The following DARS1 variants were observed in gnomAD, a reference collection of about 807,000 sequenced individuals.
The protein encoded by DARS1 is aspartate--tRNA ligase, cytoplasmic.
DARS1 carries 51 observed loss-of-function variants against 68.8 expected under a neutral mutation model. That is an observed-to-expected ratio of 0.74 (90% CI 0.59 to 0.94). The LOEUF is 0.94. DARS1 is among the 40% of genes least tolerant of loss of function. The pLI, the probability that DARS1 is intolerant of heterozygous loss-of-function variation, is 0.00. For missense variants in DARS1, 607 were observed against 597.3 expected (o/e 1.02, Z -0.17); for synonymous variants, 203 against 190.4 (o/e 1.07, Z -0.55).
chr2:135,974,431 A>C (rs749500393), intron 3 of DARS1, among the ~76,000 whole-genome samples: 3 of 152,250 alleles, frequency 2.0e-5, no homozygotes, highest in Non-Finnish European at 2.9e-5. Context: ...AGTGAATAGT[A>C]TAATGAACCT....
At chr2:135,957,226 T>C (rs371017084) in intron 4 of DARS1, among the ~76,000 whole-genome samples, 5 of 150,872 alleles carry the variant, frequency 3.3e-5, no homozygotes, top group Non-Finnish European at 5.9e-5. Flanking sequence ...AGCCATATCC[T>C]ACTAATTTTT....
chr2:135,949,856 T>C (rs1027470928), intron 4 of DARS1, among the ~76,000 whole-genome samples: 12 of 152,356 alleles, frequency 7.9e-5, no homozygotes, highest in Admixed American at 1.3e-4. Flanking sequence ...ATTCCAATGT[T>C]TCTTTTAAGG....
chr2:135,941,322 T>C (rs1464180369), intron 5 of DARS1, among the ~76,000 whole-genome samples: 8 of 152,078 alleles, frequency 5.3e-5, no homozygotes, highest in Non-Finnish European at 1.2e-4. Context: ...TATAGATCAA[T>C]GGAACAGAAC....
rs1300900918 is a variant in DARS1 at position 135,905,886 on chromosome 2, C to T, written c.*1430G>A. Among the ~76,000 whole-genome samples, 1 of 152,130 alleles carries T rather than the reference C, an allele frequency of 6.6e-6. No individual in the cohort carries two copies. The highest frequency in any genetic ancestry group is 1.5e-5 in the Non-Finnish European group (1 of 68,016). ...TAAAAAAGATTACATCATTCTAAGA[C>T]TTTACAAACTTTATTTTGAAACAAG... is the stretch of plus-strand genomic sequence containing the variant. On this transcript the variant is annotated 3_prime_UTR_variant, in exon 16 of 16. Transcript: ENST00000264161.
intron 3 of DARS1, among the ~76,000 whole-genome samples, chr2:135,964,667 C>T (rs1230924594): frequency 3.3e-5 from 5 of 151,674 alleles, no homozygotes; most frequent in Admixed American, 3.3e-4. Flanking sequence ...GTGGTGAAAC[C>T]CCATCTCTAC....
intron 5 of DARS1, 186 bp downstream of exon 5, chr2:135,943,192 T>C (rs78076875): frequency 0.01 from 7,727 of 765,044 alleles, 169 homozygotes; most frequent in African/African-American, 0.068. Flanking sequence ...AGCAAATAAA[T>C]GTTTGTTGTT....
At chr2:135,946,136 CAA>C (rs1205644790) in intron 4 of DARS1, among the ~76,000 whole-genome samples, 2 of 152,202 alleles carry the variant, frequency 1.3e-5, no homozygotes, top group East Asian at 3.9e-4. Context: ...AGAGTCAAAA[CAA>C]GAGAGACAGG....
At chr2:135,965,929 T>C (rs933836899) in intron 3 of DARS1, among the ~76,000 whole-genome samples, 1 of 152,210 alleles carries the variant, frequency 6.6e-6, no homozygotes, top group African/African-American at 2.4e-5. Flanking sequence ...TACTTCTCTA[T>C]GAAGCACTTT....
At chr2:135,923,725 G>C (rs573304733) in intron 8 of DARS1, among the ~76,000 whole-genome samples, 2 of 152,082 alleles carry the variant, frequency 1.3e-5, no homozygotes, top group South Asian at 4.1e-4. Context: ...TCTCATACAA[G>C]AATAAGAATT....
At chr2:135,953,099 T>C (rs550369774) in intron 4 of DARS1, among the ~76,000 whole-genome samples, 1 of 152,214 alleles carries the variant, frequency 6.6e-6, no homozygotes, top group African/African-American at 2.4e-5. Flanking sequence ...CAATTTTGCA[T>C]AGGACGGTTA....
chr2:135,965,878 T>G (rs1682222036), intron 3 of DARS1, among the ~76,000 whole-genome samples: 2 of 152,150 alleles, frequency 1.3e-5, no homozygotes, highest in South Asian at 2.1e-4. Context: ...AAACAAACCA[T>G]CAGTACTGGC....
At chr2:135,910,350 C>T (rs1435441161) in intron 15 of DARS1, among the ~76,000 whole-genome samples, 1 of 152,114 alleles carries the variant, frequency 6.6e-6, no homozygotes, top group Non-Finnish European at 1.5e-5. Flanking sequence ...TACCTTTTTA[C>T]TAACAGCCAG....
intron 3 of DARS1, among the ~76,000 whole-genome samples, chr2:135,965,397 C>A (rs1682201089): frequency 6.6e-6 from 1 of 151,700 alleles, no homozygotes; most frequent in Non-Finnish European, 1.5e-5. Flanking sequence ...GATAAACAGG[C>A]AATAGACCAA....
intron 7 of DARS1, among the ~76,000 whole-genome samples, chr2:135,925,236 A>G (rs565805118): frequency 6.6e-6 from 1 of 152,294 alleles, no homozygotes; most frequent in African/African-American, 2.4e-5. Flanking sequence ...ACTTTTGTCC[A>G]CTTCTCTGGT....
At chr2:135,936,390 C>A (rs1681474029) in intron 5 of DARS1, among the ~76,000 whole-genome samples, 1 of 149,538 alleles carries the variant, frequency 6.7e-6, no homozygotes, top group Non-Finnish European at 1.5e-5. Flanking sequence ...TATACACACA[C>A]ATACACTTTT....
intron 7 of DARS1, among the ~76,000 whole-genome samples, chr2:135,930,373 G>C (rs1045452598): frequency 1.3e-5 from 2 of 152,156 alleles, no homozygotes; most frequent in Admixed American, 6.5e-5. Context: ...GGTCTCAAGG[G>C]TTAGGATGCC....
rs974989676 is a variant in DARS1 at position 135,973,062 on chromosome 2, C to T, written c.217+6212G>A. 3.9e-5 allele frequency among the ~76,000 whole-genome samples: 6 copies of T among 152,328 alleles called. No homozygotes were observed. The South Asian group carries it at 8.3e-4, about 21-fold the overall frequency. The stretch of plus-strand genomic sequence containing the variant: ...GAGTTACCACATGATCCAGCAATCC[C>T]ACTGTTGGGTATATACCCAAAAGAA... On this transcript the variant is annotated intron_variant, in intron 3 of 15. Coordinates refer to ENST00000264161, the MANE Select transcript of DARS1 (RefSeq NM_001349.4).
At chr2:135,927,766 C>T (rs943393872) in intron 7 of DARS1, among the ~76,000 whole-genome samples, 1 of 152,044 alleles carries the variant, frequency 6.6e-6, no homozygotes, top group East Asian at 1.9e-4. Context: ...AAACCCAGTC[C>T]TTGAACTTTA....
At position 135,927,886 on chromosome 2, in the gene DARS1, G is replaced by A. The variant is rs1398276749; in HGVS notation, c.565-3388C>T. Among the ~76,000 whole-genome samples, 3 of 152,122 alleles carry A rather than the reference G, an allele frequency of 2.0e-5. No individual in the cohort carries two copies. The East Asian group carries it at 5.8e-4, about 29-fold the overall frequency. On this transcript the variant is annotated intron_variant, in intron 7 of 15. Transcript: ENST00000264161. ...TTAAAACACTGCTATTCTGTATTATGTGAAAGATCTGAAATAAAGGGAAAA... is the reference window on the plus strand; with the variant it reads ...TTAAAACACTGCTATTCTGTATTATATGAAAGATCTGAAATAAAGGGAAAA...
Sources: gnomAD v4.1 joint callset for allele counts (sites outside exome capture counted in the v4.1 genomes callset) on GRCh38, gnomAD v4.1.1 for gene constraint, MANE v1.5 for transcripts, NCBI Gene and HGNC (gene_info 2026-07-23, HGNC 2026-07-21) for gene names.